Variants in A1CF observed in about 807,000 individuals in gnomAD.
A1CF encodes the protein APOBEC1 complementation factor, also known as APOBEC-1 stimulating protein.
In A1CF, 48 loss-of-function variants were observed where a neutral mutation model predicts 68.9. The ratio of observed to expected loss-of-function variants is 0.70; its 90% CI spans 0.55 to 0.89. The LOEUF (loss-of-function observed/expected upper bound fraction) is 0.89. Among genes scored for constraint, A1CF ranks in the 40% least tolerant of loss-of-function variants. The probability of loss-of-function intolerance (pLI) is 0.00; values close to 1 mark genes in which losing one functional copy is unlikely to be tolerated. For missense variants in A1CF, 653 were observed against 718.9 expected, an observed-to-expected ratio of 0.91 and a Z score of 1.05; for synonymous variants, 272 against 260.4, an observed-to-expected ratio of 1.04 and a Z score of -0.43.
At chr10:50,867,497 G>A (rs533393895) in intron 1 of A1CF, among the ~76,000 whole-genome samples, 1 of 152,264 alleles carries the variant, frequency 6.6e-6, no homozygotes, top group South Asian at 2.1e-4. Context: ...ACACATGGAG[G>A]TAGAGAGTGA....
intron 3 of A1CF, among the ~76,000 whole-genome samples, chr10:50,859,567 G>A (rs1360377907): frequency 1.3e-5 from 2 of 152,176 alleles, no homozygotes; most frequent in Admixed American, 1.3e-4. Flanking sequence ...GCCTTGGGTG[G>A]CAAATTCTAG....
intron 7 of A1CF, among the ~76,000 whole-genome samples, chr10:50,821,738 TG>T (rs1211173399): frequency 1.3e-5 from 2 of 152,090 alleles, no homozygotes; most frequent in Admixed American, 1.3e-4. Context: ...AGTTTCACCA[TG>T]TTGGTCAGGC....
chr10:50,874,636 C>T (rs143784660), intron 1 of A1CF, among the ~76,000 whole-genome samples: 204 of 152,250 alleles, frequency 1.3e-3, no homozygotes, highest in African/African-American at 4.7e-3. Context: ...TATCCCATGC[C>T]CCCAAAACTT....
At chr10:50,851,091 C>T (rs183501934) in intron 3 of A1CF, among the ~76,000 whole-genome samples, 14 of 152,212 alleles carry the variant, frequency 9.2e-5, no homozygotes, top group African/African-American at 2.2e-4. Context: ...TCCAATGCAC[C>T]GGGTTTGAGG....
intron 9 of A1CF, among the ~76,000 whole-genome samples, chr10:50,814,428 C>T (rs1035405463): frequency 3.9e-5 from 6 of 152,122 alleles, no homozygotes; most frequent in Non-Finnish European, 8.8e-5. Context: ...CAACATAATG[C>T]GACCACTTAT....
chr10:50,856,694 G>A (rs1840492032), intron 3 of A1CF, among the ~76,000 whole-genome samples: 1 of 151,892 alleles, frequency 6.6e-6, no homozygotes, highest in African/African-American at 2.4e-5. Context: ...CAGGAAATTG[G>A]GGATAAACAT....
At chr10:50,850,545 CA>C in intron 3 of A1CF, 1 of 1,318,538 alleles carries the variant, frequency 7.6e-7, no homozygotes, top group Non-Finnish European at 1.1e-6. Context: ...AATTACAAAA[CA>C]GAAAACTTAT....
intron 3 of A1CF, among the ~76,000 whole-genome samples, chr10:50,857,100 A>AT (rs1286181981): frequency 6.6e-5 from 10 of 152,022 alleles, no homozygotes; most frequent in African/African-American, 2.2e-4. Flanking sequence ...TGTCCTTCAG[A>AT]TTTTTTTATA....
At chr10:50,824,648 A>G (rs1252287028) in intron 7 of A1CF, 1 of 150,398 alleles carries the variant, frequency 6.6e-6, no homozygotes, top group Non-Finnish European at 1.5e-5. Context: ...AGTGCCTGGC[A>G]TGTAGGAGCT....
chr10:50,872,726 T>G (rs1841327932), intron 1 of A1CF, among the ~76,000 whole-genome samples: 1 of 151,200 alleles, frequency 6.6e-6, no homozygotes, highest in Non-Finnish European at 1.5e-5. Flanking sequence ...CTTCGAGGAG[T>G]GGTGTGGGTG....
rs1202773646 is a variant in A1CF at position 50,820,580 on chromosome 10, A to T, written c.839T>A (p.Val280Asp). Residue 280 changes from valine to aspartate, a missense_variant, in exon 8 of 13, where the codon GTT becomes GAT. Val to Asp is a radical substitution (Grantham distance 152). Coordinates refer to ENST00000373997, the MANE Select transcript of A1CF (RefSeq NM_014576.4). ...FVHFSNREDA[V>D]EAMKALNGKV... ...GCCATTTAAAGCTTTCATAGCCTCA[A>T]CTGCATCTTCTCGGTTACTGAAGTG... The T allele has an allele frequency of 6.2e-7, 1 of 1,613,242 alleles. No individual in the cohort carries two copies. Among genetic ancestry groups the T allele is most frequent in the Non-Finnish European group, 8.5e-7 (1 of 1,179,708 alleles).
At chr10:50,811,201 C>A in intron 10 of A1CF, 25 bp from the exon 11 acceptor site, 1 of 1,586,984 alleles carries the variant, frequency 6.3e-7, no homozygotes, top group South Asian at 1.2e-5. Context: ...AAAGTTATTT[C>A]CCCCTCAAAT....
At chr10:50,843,847 G>A in intron 4 of A1CF, 141 bp downstream of exon 4, 1 of 1,051,602 alleles carries the variant, frequency 9.5e-7, no homozygotes, top group Non-Finnish European at 1.4e-6. Context: ...ATAATCACTA[G>A]AAACTTTGTC....
At position 50,804,622 on chromosome 10, in the gene A1CF, G is replaced by A. The variant is rs1837739076; in HGVS notation, c.*2107C>T. On this transcript the variant is annotated 3_prime_UTR_variant, in exon 13 of 13. Transcript: ENST00000373997. ...CTAAGAATTGTTTTAGGACAAGATT[G>A]TTTTACTTTCTCATTTTTAGAGTTA... is the stretch of plus-strand genomic sequence containing the variant. 1 of 152,076 alleles carries A rather than the reference G, an allele frequency of 6.6e-6. No homozygotes were observed. The highest frequency in any genetic ancestry group is 1.5e-5 in the Non-Finnish European group (1 of 67,990). 9.4% of individuals were successfully genotyped at this position (152,076 alleles called of 1,614,324 possible).
intron 9 of A1CF, 65 bp from the exon 10 acceptor site, chr10:50,814,103 G>C: frequency 6.4e-7 from 1 of 1,573,048 alleles, no homozygotes; most frequent in Non-Finnish European, 8.7e-7. Flanking sequence ...CAAACCACCA[G>C]AAAATCACCC....
At chr10:50,859,699 G>T in intron 3 of A1CF, 143 bp downstream of exon 3, 1 of 658,626 alleles carries the variant, frequency 1.5e-6, no homozygotes, top group South Asian at 2.2e-5. Context: ...CAGAAATGTT[G>T]CAATTTCCTT....
At chr10:50,813,412 T>A (rs1222773976) in intron 10 of A1CF, among the ~76,000 whole-genome samples, 1 of 152,162 alleles carries the variant, frequency 6.6e-6, no homozygotes, top group African/African-American at 2.4e-5. Context: ...TTCACCCAGA[T>A]ATCATGGTGG....
chr10:50,872,424 C>G (rs921905931), intron 1 of A1CF, among the ~76,000 whole-genome samples: 11 of 152,040 alleles, frequency 7.2e-5, no homozygotes, highest in Admixed American at 1.3e-4. Context: ...GAGTGGCAGA[C>G]AGATGATTTG....
chr10:50,803,782 G>C lies in A1CF; in HGVS notation c.*2947C>G, dbSNP rs1437376609. The C allele has an allele frequency of 2.0e-5, 3 of 152,100 alleles. No homozygotes were observed. The highest frequency in any genetic ancestry group is 4.4e-5 in the Non-Finnish European group (3 of 68,024). 9.4% of individuals were successfully genotyped at this position (152,100 alleles called of 1,614,324 possible). ...ATTATTGTTTTGTTATTATCACCTG[G>C]TTGGGTGACAAATTTTAATTTTTTC... is the stretch of plus-strand genomic sequence containing the variant. On this transcript the variant is annotated 3_prime_UTR_variant, in exon 13 of 13. Transcript: ENST00000373997.
Sources: gnomAD v4.1 joint callset for allele counts (sites outside exome capture counted in the v4.1 genomes callset) on GRCh38, gnomAD v4.1.1 for gene constraint, MANE v1.5 for transcripts, NCBI Gene and HGNC (gene_info 2026-07-23, HGNC 2026-07-21) for gene names.